The following SCN11A variants were observed in gnomAD, a reference collection of about 807,000 sequenced individuals.
The protein encoded by SCN11A is sodium voltage-gated channel alpha subunit 11.
A neutral mutation model predicts 162.2 loss-of-function variants in SCN11A; 122 were observed. The ratio of observed to expected loss-of-function variants is 0.75; its 90% CI spans 0.65 to 0.87. The LOEUF (loss-of-function observed/expected upper bound fraction) is 0.87. Among genes scored for constraint, SCN11A ranks in the 40% least tolerant of loss-of-function variants. The probability of loss-of-function intolerance (pLI) is 0.00; values close to 1 mark genes in which losing one functional copy is unlikely to be tolerated. For synonymous variants in SCN11A, 758 were observed against 751.5 expected, an observed-to-expected ratio of 1.01 and a Z score of -0.14; for missense variants, 2,015 against 2,181.6, an observed-to-expected ratio of 0.92 and a Z score of 1.52.
intron 4 of SCN11A, among the ~76,000 whole-genome samples, chr3:38,951,354 C>G (rs2066612524): frequency 6.6e-6 from 1 of 152,262 alleles, no homozygotes; most frequent in Admixed American, 6.5e-5. Context: ...TGGCGCTGCA[C>G]TCGATTTCTC....
At chr3:38,924,230 T>G (rs1475870843) in intron 9 of SCN11A, among the ~76,000 whole-genome samples, 1 of 146,558 alleles carries the variant, frequency 6.8e-6, no homozygotes, top group Admixed American at 6.8e-5. Context: ...CTTCAGTCCT[T>G]TTTTTTTTTT....
chr3:38,958,493 T>C (rs1261061809), intron 3 of SCN11A, among the ~76,000 whole-genome samples: 1 of 152,224 alleles, frequency 6.6e-6, no homozygotes, highest in Non-Finnish European at 1.5e-5. Context: ...TAAAATATCC[T>C]CACAATGTCC....
intron 9 of SCN11A, among the ~76,000 whole-genome samples, chr3:38,921,773 CA>C (rs2066056474): frequency 6.6e-6 from 1 of 152,126 alleles, no homozygotes; most frequent in Non-Finnish European, 1.5e-5. Context: ...CTCAGATTAC[CA>C]GTTAGAATAG....
chr3:38,938,507 ATCATATATATATATATATATAT>A (rs1559544747), intron 7 of SCN11A, among the ~76,000 whole-genome samples: 84 of 105,826 alleles, frequency 7.9e-4, no homozygotes, highest in African/African-American at 3.1e-3. Context: ...AAGGAAAAAT[ATCATATATATATATATATATAT>A]ATATATATAT....
chr3:39,008,289 G>A (rs961075233), intron 2 of SCN11A, among the ~76,000 whole-genome samples: 1 of 151,380 alleles, frequency 6.6e-6, no homozygotes, highest in East Asian at 1.9e-4. Context: ...AATCAAGTAT[G>A]AGAGGAGAAT....
At chr3:39,017,990 T>C (rs556282025) in intron 2 of SCN11A, among the ~76,000 whole-genome samples, 3 of 152,374 alleles carry the variant, frequency 2.0e-5, no homozygotes, top group African/African-American at 7.2e-5. Flanking sequence ...CATTAATTTA[T>C]TTGGAAAGAG....
intron 1 of SCN11A, among the ~76,000 whole-genome samples, chr3:39,033,410 G>C (rs900386391): frequency 6.6e-6 from 1 of 152,080 alleles, no homozygotes; most frequent in Non-Finnish European, 1.5e-5. Context: ...GCACAAAAAT[G>C]CTTAAAACAA....
At chr3:38,879,891 A>G (rs984993103) in intron 23 of SCN11A, 59 bp downstream of exon 23, 3 of 1,422,900 alleles carry the variant, frequency 2.1e-6, no homozygotes, top group Non-Finnish European at 2.9e-6. Context: ...CAGCCTCCAT[A>G]TGATCCCTGC....
At chr3:38,852,920 T>G (rs1310740162) in intron 28 of SCN11A, among the ~76,000 whole-genome samples, 2 of 152,192 alleles carry the variant, frequency 1.3e-5, no homozygotes, top group Non-Finnish European at 2.9e-5. Context: ...GTGGTGAGAT[T>G]GTATTTGATT....
chr3:38,931,825 T>C (rs1224691580), intron 7 of SCN11A, among the ~76,000 whole-genome samples: 1 of 152,174 alleles, frequency 6.6e-6, no homozygotes. Flanking sequence ...CCCTCAAGCC[T>C]TAGAAACAGT....
At chr3:38,974,301 T>C (rs954889271) in intron 2 of SCN11A, among the ~76,000 whole-genome samples, 17 of 151,980 alleles carry the variant, frequency 1.1e-4, no homozygotes, top group African/African-American at 4.1e-4. Context: ...GTTAGTAAAC[T>C]AAAAGGTAAA....
At chr3:39,047,069 C>CCCT (rs2032203608) in intron 1 of SCN11A, among the ~76,000 whole-genome samples, 1 of 121,576 alleles carries the variant, frequency 8.2e-6, no homozygotes, top group South Asian at 2.9e-4. Flanking sequence ...CCCCCACCCC[C>CCCT]TTTTTTTTTT....
chr3:38,932,289 G>C (rs1348437921), intron 7 of SCN11A, among the ~76,000 whole-genome samples: 1 of 152,248 alleles, frequency 6.6e-6, no homozygotes, highest in African/African-American at 2.4e-5. Flanking sequence ...CCCAGCGTGA[G>C]CGACGCAGAA....
At chr3:38,889,881 C>T (rs1233151132) in intron 19 of SCN11A, among the ~76,000 whole-genome samples, 1 of 149,046 alleles carries the variant, frequency 6.7e-6, no homozygotes, top group East Asian at 2.0e-4. Flanking sequence ...GAAATAAATG[C>T]TGTTTAGTAT....
intron 14 of SCN11A, 131 bp downstream of exon 14, chr3:38,907,818 T>C: frequency 2.6e-6 from 2 of 765,128 alleles, no homozygotes; most frequent in East Asian, 5.1e-5. Flanking sequence ...CATGGATGCA[T>C]GAAAGTATGT....
chr3:38,943,937 T>A (rs2066477984), intron 7 of SCN11A, among the ~76,000 whole-genome samples: 1 of 152,224 alleles, frequency 6.6e-6, no homozygotes, highest in Admixed American at 6.5e-5. Flanking sequence ...TAATTTATTG[T>A]ATATTTCAAA....
intron 2 of SCN11A, among the ~76,000 whole-genome samples, chr3:39,001,711 A>AAACAAAC (rs1351156769): frequency 3.3e-4 from 26 of 79,328 alleles, no homozygotes; most frequent in Admixed American, 7.3e-4. Flanking sequence ...CATTTGTTTA[A>AAACAAAC]AACAAACAAA....
At chr3:38,896,770 T>G in intron 18 of SCN11A, 75 bp downstream of exon 18, 1 of 1,198,718 alleles carries the variant, frequency 8.3e-7, no homozygotes, top group Non-Finnish European at 1.1e-6. Flanking sequence ...TAGTAAAGTT[T>G]TGCAAATGAA....
rs561254254 is a variant in SCN11A at position 38,897,359 on chromosome 3, T to C, written c.2023-134A>G. The C allele has an allele frequency of 4.8e-4, 370 of 764,656 alleles. 1 individual carries two copies. The highest frequency in any genetic ancestry group is 7.0e-4 in the Non-Finnish European group (339 of 484,378). 47.4% of individuals were successfully genotyped at this position (764,656 alleles called of 1,614,324 possible). On this transcript the variant is annotated intron_variant, in intron 17 of 29. Transcript: ENST00000302328. ...ACTCTCTTCAAAGTTAAATCTATCCTGAACATAGCCATCAGATCGCTGTCA... is the reference window on the plus strand; with the variant it reads ...ACTCTCTTCAAAGTTAAATCTATCCCGAACATAGCCATCAGATCGCTGTCA...
Sources: gnomAD v4.1 joint callset for allele counts (sites outside exome capture counted in the v4.1 genomes callset) on GRCh38, gnomAD v4.1.1 for gene constraint, MANE v1.5 for transcripts, NCBI Gene and HGNC (gene_info 2026-07-23, HGNC 2026-07-21) for gene names.